SLC9C1: variants seen among roughly 807,000 people sequenced by gnomAD.
SLC9C1 encodes the protein sodium/hydrogen exchanger 10.
Under a neutral mutation model 140.9 loss-of-function variants are expected in SLC9C1, and 97 were observed. The observed-to-expected ratio is 0.69, with a 90% CI of 0.58 to 0.82. SLC9C1 has a LOEUF of 0.82. Ranked by LOEUF, SLC9C1 falls within the 40% of genes least tolerant of loss-of-function variation. SLC9C1 has a pLI of 0.00. For synonymous variants in SLC9C1, 440 were observed against 442.6 expected (o/e 0.99, Z 0.07); for missense variants, 1,340 against 1,389.3 (o/e 0.96, Z 0.56).
intron 28 of SLC9C1, 97 bp downstream of exon 28, chr3:112,151,760 C>T (rs1277455436): frequency 1.7e-5 from 14 of 846,730 alleles, no homozygotes; most frequent in Non-Finnish European, 2.8e-5. Context: ...AGCTATAATT[C>T]ACACTATCAC....
At position 112,206,629 on chromosome 3, in the gene SLC9C1, G is replaced by A. The variant is rs529796008; in HGVS notation, c.1986+1549C>T. Among the ~76,000 whole-genome samples, 495 of 152,030 alleles carry A rather than the reference G, an allele frequency of 3.3e-3. 4 individuals are homozygous for A. Among genetic ancestry groups the A allele is most frequent in the African/African-American group, 0.011 (469 of 41,314 alleles). On this transcript the variant is annotated intron_variant, in intron 16 of 28. Coordinates refer to ENST00000305815, the MANE Select transcript of SLC9C1 (RefSeq NM_183061.3). ...CAATGATAGACTGGATTAAGAAAAT[G>A]TGGCCCATATACACCATGGAATACT... is the stretch of plus-strand genomic sequence containing the variant.
intron 10 of SLC9C1, among the ~76,000 whole-genome samples, chr3:112,246,485 C>T (rs1461299540): frequency 6.6e-6 from 1 of 151,986 alleles, no homozygotes. Context: ...GAGTAAGAGT[C>T]GTCATTTTCC....
intron 6 of SLC9C1, among the ~76,000 whole-genome samples, chr3:112,274,586 T>C (rs2080164320): frequency 6.6e-6 from 1 of 152,186 alleles, no homozygotes; most frequent in Non-Finnish European, 1.5e-5. Context: ...GCTTATCTTC[T>C]AAGCTCATCT....
At position 112,202,412 on chromosome 3, in the gene SLC9C1, G is replaced by T; in HGVS notation, c.2173-13C>A. 1 of 1,569,166 alleles carries T rather than the reference G, an allele frequency of 6.4e-7. No homozygotes were observed. The highest frequency in any genetic ancestry group is 1.2e-5 in the South Asian group (1 of 82,460). ...TTGGTGCTATGAGCTGAATTAAACAGGACTTCCATTAATATAAATTGCACA... is the reference window on the plus strand; with the variant it reads ...TTGGTGCTATGAGCTGAATTAAACATGACTTCCATTAATATAAATTGCACA... On this transcript the variant is annotated splice_polypyrimidine_tract_variant and intron_variant, in intron 17 of 28. Coordinates refer to ENST00000305815, the MANE Select transcript of SLC9C1 (RefSeq NM_183061.3).
chr3:112,284,575 G>A (rs1038300977), intron 2 of SLC9C1, among the ~76,000 whole-genome samples: 12 of 152,186 alleles, frequency 7.9e-5, no homozygotes, highest in Non-Finnish European at 1.5e-4. Flanking sequence ...TTCTAGATAT[G>A]TAGCCAGGGG....
chr3:112,221,270 T>A (rs2078534288), intron 13 of SLC9C1, 45 bp from the exon 14 acceptor site: 9 of 1,495,844 alleles, frequency 6.0e-6, no homozygotes, highest in Non-Finnish European at 8.3e-6. Context: ...TGAATAACGA[T>A]GACAACTTAT....
chr3:112,197,915 G>C (rs2077807710), intron 20 of SLC9C1, among the ~76,000 whole-genome samples: 1 of 152,114 alleles, frequency 6.6e-6, no homozygotes, highest in Non-Finnish European at 1.5e-5. Context: ...CTGCCTGTCG[G>C]CCTGCTCCTG....
At chr3:112,278,609 T>C in intron 4 of SLC9C1, 120 bp downstream of exon 4, 1 of 1,039,766 alleles carries the variant, frequency 9.6e-7, no homozygotes. Context: ...CTGAATTTAT[T>C]ACTCCCATAC....
chr3:112,180,538 A>G, intron 22 of SLC9C1, 26 bp downstream of exon 22: 1 of 1,574,064 alleles, frequency 6.4e-7, no homozygotes, highest in Non-Finnish European at 8.6e-7. Context: ...CAAAAAAACA[A>G]AACAAAACAA....
Position 112,167,343 on chromosome 3 carries a change from TG to T in SLC9C1, c.3241del (p.Gln1081LysfsTer9). The T allele has an allele frequency of 6.3e-7, 1 of 1,585,048 alleles. No individual in the cohort carries two copies. The highest frequency in any genetic ancestry group is 8.6e-7 in the Non-Finnish European group (1 of 1,168,152). ...TACTTTTGTGAAATCTTCAATACTTTGTATCTGAAAGTTGACAGAATGCAAG... is the reference window on the plus strand; with the variant it reads ...TACTTTTGTGAAATCTTCAATACTTTTATCTGAAAGTTGACAGAATGCAAG... The part of the protein sequence containing the change: ...FLIPITCHQI[Q>X]SIEDFTKVVI... On this transcript the variant is annotated frameshift_variant, in exon 26 of 29. Coordinates refer to ENST00000305815, the MANE Select transcript of SLC9C1 (RefSeq NM_183061.3). LOFTEE classifies it high-confidence loss of function.
At chr3:112,262,485 G>A (rs4560270) in intron 10 of SLC9C1, among the ~76,000 whole-genome samples, 89,708 of 151,524 alleles carry the variant, frequency 0.59, 27,066 homozygotes, top group East Asian at 0.79. Context: ...TAGAAGGAGA[G>A]TTATGCCCTG....
chr3:112,194,458 G>T (rs1423392903), intron 20 of SLC9C1, among the ~76,000 whole-genome samples: 1 of 151,692 alleles, frequency 6.6e-6, no homozygotes, highest in African/African-American at 2.4e-5. Flanking sequence ...TTTTTAATTT[G>T]TTGCCTTGGT....
At chr3:112,277,010 G>A (rs984036452) in intron 5 of SLC9C1, among the ~76,000 whole-genome samples, 3 of 152,188 alleles carry the variant, frequency 2.0e-5, no homozygotes, top group Admixed American at 2.0e-4. Flanking sequence ...GCGTGTGTGT[G>A]TGCAAATGTG....
intron 12 of SLC9C1, among the ~76,000 whole-genome samples, chr3:112,232,745 T>C (rs900198077): frequency 1.3e-5 from 2 of 152,152 alleles, no homozygotes; most frequent in Non-Finnish European, 2.9e-5. Flanking sequence ...GGACAACTTT[T>C]ATTATTTCCC....
chr3:112,157,344 T>C (rs1046332487), intron 26 of SLC9C1, among the ~76,000 whole-genome samples: 3 of 152,142 alleles, frequency 2.0e-5, no homozygotes, highest in African/African-American at 7.2e-5. Context: ...CATGGATTTA[T>C]TTCTGGGTTC....
chr3:112,231,035 T>C (rs2108168717), intron 13 of SLC9C1, among the ~76,000 whole-genome samples: 1 of 152,302 alleles, frequency 6.6e-6, no homozygotes, highest in African/African-American at 2.4e-5. Context: ...TTGGGATCTG[T>C]CAAATTCCCA....
intron 20 of SLC9C1, among the ~76,000 whole-genome samples, chr3:112,186,616 T>C (rs1033147958): frequency 1.3e-5 from 2 of 151,650 alleles, no homozygotes; most frequent in African/African-American, 4.8e-5. Flanking sequence ...CTTTAAAATT[T>C]ATTTGAAAAT....
Position 112,208,346 on chromosome 3 carries a change from T to C in SLC9C1, c.1818A>G (p.Thr606=), listed in dbSNP as rs375045544. ...GTTCAAATTCCTCAGTAAATACTAT[T>C]GTATGGCATATACGAAAAAAGAAGT... The part of the protein sequence containing the change: ...SKYFFFRICH[T]IVFTEEFEHV... The change falls in exon 16 of 29, where the codon ACA becomes ACG. Residue 606 remains threonine (T), a synonymous_variant. Transcript: ENST00000305815. 1.1e-5 allele frequency: 18 copies of C among 1,576,716 alleles called. No individual in the cohort carries two copies. Among genetic ancestry groups the C allele is most frequent in the Non-Finnish European group, 1.4e-5 (16 of 1,163,042 alleles).
rs201824027 is a variant in SLC9C1, at chr3:112,199,448, G to A, written c.2396C>T (p.Pro799Leu). 70 of 1,589,582 alleles carry A rather than the reference G, an allele frequency of 4.4e-5. No individual in the cohort carries two copies. The highest frequency in any genetic ancestry group is 5.6e-5 in the Non-Finnish European group (65 of 1,169,774). The part of the protein sequence containing the change: ...KELGYLEYDH[P>L]EIAVTVKTKE... ...TGTTTTCACAGTGACAGCAATTTCT[G>A]GGTGATCATACTCTAAGTAGCCTAA... Residue 799 changes from proline (P) to leucine (L), a missense_variant, in exon 20 of 29, where the codon CCA becomes CTA. By Grantham distance (98) the Pro-to-Leu change is moderately conservative. Coordinates refer to ENST00000305815, the MANE Select transcript of SLC9C1 (RefSeq NM_183061.3).
Sources: gnomAD v4.1 joint callset for allele counts (sites outside exome capture counted in the v4.1 genomes callset) on GRCh38, gnomAD v4.1.1 for gene constraint, MANE v1.5 for transcripts, NCBI Gene and HGNC (gene_info 2026-07-23, HGNC 2026-07-21) for gene names.